Variants in CEP112 observed in about 807,000 individuals in gnomAD.
CEP112 encodes the protein centrosomal protein of 112 kDa.
In CEP112, 127 loss-of-function variants were observed where a neutral mutation model predicts 153.0. The ratio of observed to expected loss-of-function variants is 0.83; its 90% CI spans 0.72 to 0.96. The LOEUF (loss-of-function observed/expected upper bound fraction) is 0.96. CEP112 is among the 40% of genes least tolerant of loss of function. CEP112 has a pLI of 0.00. For synonymous variants in CEP112, 358 were observed against 374.4 expected, an observed-to-expected ratio of 0.96 and a Z score of 0.51; for missense variants, 1,089 against 1,101.2, an observed-to-expected ratio of 0.99 and a Z score of 0.16.
At chr17:65,821,076 TA>T (rs754679022) in intron 21 of CEP112, among the ~76,000 whole-genome samples, 2 of 149,534 alleles carry the variant, frequency 1.3e-5, no homozygotes, top group African/African-American at 2.5e-5. Flanking sequence ...ACTTAAAATG[TA>T]GCCCTTTTTT....
chr17:66,177,138 T>C, intron 2 of CEP112, 118 bp from the exon 3 acceptor site: 2 of 768,628 alleles, frequency 2.6e-6, no homozygotes, highest in South Asian at 4.1e-5. Flanking sequence ...ACCTTTTCTG[T>C]TAAAGGCCAG....
chr17:65,734,243 G>A (rs1199171014), intron 23 of CEP112, among the ~76,000 whole-genome samples: 1 of 152,218 alleles, frequency 6.6e-6, no homozygotes, highest in Non-Finnish European at 1.5e-5. Flanking sequence ...AAAGGGAAAG[G>A]ATACTTTACA....
chr17:65,844,635 A>G (rs2057652832), intron 21 of CEP112, among the ~76,000 whole-genome samples: 1 of 7,842 alleles, frequency 1.3e-4, no homozygotes, highest in South Asian at 5.8e-3. Flanking sequence ...CAGTGAGCCG[A>G]GATCAGGCTC....
chr17:65,859,451 AAAAAGAAAAG>A (rs1408279064), intron 20 of CEP112, among the ~76,000 whole-genome samples: 70 of 151,208 alleles, frequency 4.6e-4, no homozygotes, highest in African/African-American at 1.6e-3. Flanking sequence ...AAAAAAAAAA[AAAAAGAAAAG>A]AAAAGAAAAG....
At chr17:65,690,113 C>CAAAA in intron 23 of CEP112, among the ~76,000 whole-genome samples, 1 of 62,570 alleles carries the variant, frequency 1.6e-5, no homozygotes, top group Non-Finnish European at 3.0e-5. Context: ...GAAAACAGAC[C>CAAAA]AAAAAAAAAA....
chr17:65,801,826 A>G (rs2055295627), intron 21 of CEP112, among the ~76,000 whole-genome samples: 2 of 152,198 alleles, frequency 1.3e-5, no homozygotes, highest in Admixed American at 6.5e-5. Flanking sequence ...TAAATCCAAC[A>G]TCTGTGCTTC....
At chr17:66,027,635 A>T in intron 15 of CEP112, 75 bp from the exon 16 acceptor site, 1 of 991,992 alleles carries the variant, frequency 1.0e-6, no homozygotes, top group East Asian at 4.7e-5. Flanking sequence ...ACCTAATTAA[A>T]TCAATCAATC....
chr17:65,932,196 C>A (rs1200896833), intron 18 of CEP112, among the ~76,000 whole-genome samples: 2 of 152,172 alleles, frequency 1.3e-5, no homozygotes, highest in Non-Finnish European at 2.9e-5. Flanking sequence ...ATAGCAAAAT[C>A]TGCTTGCTCA....
chr17:65,720,879 A>G (rs1456409184), intron 23 of CEP112, among the ~76,000 whole-genome samples: 1 of 152,186 alleles, frequency 6.6e-6, no homozygotes, highest in African/African-American at 2.4e-5. Context: ...GGAAATGAGG[A>G]AACTGCTGCA....
intron 18 of CEP112, among the ~76,000 whole-genome samples, chr17:65,956,409 T>TACACACACACACACAC (rs55652336): frequency 1.2e-4 from 18 of 146,710 alleles, no homozygotes; most frequent in Middle Eastern, 3.4e-3. Flanking sequence ...CATACATACA[T>TACACACACACACACAC]ACACACACAC....
intron 19 of CEP112, among the ~76,000 whole-genome samples, chr17:65,915,009 G>A (rs1373736262): frequency 6.6e-6 from 1 of 152,130 alleles, no homozygotes; most frequent in Non-Finnish European, 1.5e-5. Flanking sequence ...TGAAACAAGT[G>A]GTTACTCACT....
intron 23 of CEP112, among the ~76,000 whole-genome samples, chr17:65,701,898 G>GTTTT (rs869242758): frequency 2.4e-4 from 28 of 116,052 alleles, no homozygotes; most frequent in African/African-American, 5.8e-4. Context: ...TTTTTTTTTT[G>GTTTT]TTTTTTTTTT....
chr17:65,788,149 T>C (rs148615975), intron 21 of CEP112, among the ~76,000 whole-genome samples: 28 of 152,346 alleles, frequency 1.8e-4, no homozygotes, highest in African/African-American at 6.5e-4. Flanking sequence ...AATGCTTTTC[T>C]TTACCTGAGA....
At chr17:65,740,902 GAGA>G (rs1319439940) in intron 23 of CEP112, among the ~76,000 whole-genome samples, 1 of 152,172 alleles carries the variant, frequency 6.6e-6, no homozygotes, top group East Asian at 1.9e-4. Flanking sequence ...TTCATGCAGA[GAGA>G]AGAATAGAAT....
chr17:66,101,364 A>G (rs2070838776), intron 6 of CEP112, among the ~76,000 whole-genome samples: 1 of 152,096 alleles, frequency 6.6e-6, no homozygotes, highest in Admixed American at 6.5e-5. Flanking sequence ...AAGAATTCAG[A>G]AAATACTGTA....
chr17:65,818,093 C>T (rs1195223692), intron 21 of CEP112, among the ~76,000 whole-genome samples: 2 of 151,806 alleles, frequency 1.3e-5, no homozygotes, highest in African/African-American at 4.8e-5. Context: ...AAATGCTAAA[C>T]TTGAACATGA....
At chr17:65,913,516 A>G (rs1046085600) in intron 19 of CEP112, 2 of 985,322 alleles carry the variant, frequency 2.0e-6, no homozygotes, top group Admixed American at 6.1e-5. Context: ...TGTCAAGAAC[A>G]GAAATAGAAT....
At chr17:66,148,816 C>T (rs2071035919) in intron 4 of CEP112, among the ~76,000 whole-genome samples, 1 of 152,074 alleles carries the variant, frequency 6.6e-6, no homozygotes, top group Non-Finnish European at 1.5e-5. Context: ...TTTCCTTCTT[C>T]CTTTTCATTT....
intron 24 of CEP112, among the ~76,000 whole-genome samples, chr17:65,651,081 C>T (rs1218570610): frequency 1.3e-5 from 2 of 152,190 alleles, no homozygotes; most frequent in South Asian, 2.1e-4. Flanking sequence ...TTTTATTCCT[C>T]GCCCCCTTCC....
Sources: allele counts gnomAD v4.1 joint callset (sites outside exome capture counted in the v4.1 genomes callset), GRCh38; gene constraint gnomAD v4.1.1; transcripts MANE v1.5; gene names NCBI Gene and HGNC (gene_info 2026-07-23, HGNC 2026-07-21).